SLX4IP: variants seen among roughly 807,000 people sequenced by gnomAD.
The protein encoded by SLX4IP is protein SLX4IP.
A neutral mutation model predicts 32.9 loss-of-function variants in SLX4IP; 34 were observed. The observed-to-expected ratio is 1.03, with a 90% confidence interval of 0.79 to 1.38. The LOEUF (loss-of-function observed/expected upper bound fraction) is 1.38, where lower values mean the gene tolerates loss of function less well. SLX4IP is among the 40% of genes most tolerant of loss of function. The pLI is 0.00. For synonymous variants in SLX4IP, 172 were observed against 171.7 expected (o/e 1.00, Z -0.01); for missense variants, 444 against 479.0 (o/e 0.93, Z 0.68).
At position 10,623,428 on chromosome 20, in the gene SLX4IP, T is replaced by G. The variant is rs770309783; in HGVS notation, c.*49T>G. The G allele has an allele frequency of 5.8e-6, 9 of 1,545,496 alleles. No homozygotes were observed. In the South Asian group the frequency reaches 1.1e-4, roughly 19 times the overall value. On this transcript the variant is annotated 3_prime_UTR_variant, in exon 8 of 8. Transcript: ENST00000334534. ...GAGTTGAGGACATAGTGGCCAAACC[T>G]GTGACAAGAGAGCTGCGAATATAGA...
chr20:10,572,285 G>T, intron 4 of SLX4IP, among the ~76,000 whole-genome samples: 1 of 152,194 alleles, frequency 6.6e-6, no homozygotes, highest in Non-Finnish European at 1.5e-5. Context: ...TGTCCTCATT[G>T]CTTTGGTATC....
intron 2 of SLX4IP, among the ~76,000 whole-genome samples, chr20:10,486,417 G>C (rs680845): frequency 0.39 from 59,345 of 151,848 alleles, 11,809 homozygotes; most frequent in Non-Finnish European, 0.43. Context: ...GGAGCTCTTT[G>C]TACCTGAAGA....
At chr20:10,589,848 G>A (rs1030648414) in intron 4 of SLX4IP, among the ~76,000 whole-genome samples, 6 of 151,518 alleles carry the variant, frequency 4.0e-5, no homozygotes, top group African/African-American at 9.7e-5. Flanking sequence ...CTGGGTGGTC[G>A]GATTGTTGAA....
chr20:10,464,042 C>T (rs898481564), intron 2 of SLX4IP, among the ~76,000 whole-genome samples: 2 of 152,142 alleles, frequency 1.3e-5, no homozygotes, highest in African/African-American at 4.8e-5. Flanking sequence ...AATAATAAGA[C>T]ATTCGTAGGA....
intron 4 of SLX4IP, among the ~76,000 whole-genome samples, chr20:10,589,939 AT>A (rs1311684393): frequency 6.6e-6 from 1 of 151,854 alleles, no homozygotes; most frequent in Non-Finnish European, 1.5e-5. Flanking sequence ...TAGGAAAAAA[AT>A]TTTTTTTACT....
chr20:10,497,052 T>C (rs2065673938), intron 2 of SLX4IP, among the ~76,000 whole-genome samples: 1 of 152,176 alleles, frequency 6.6e-6, no homozygotes, highest in Admixed American at 6.5e-5. Flanking sequence ...GTGTGTTTCT[T>C]TTCTTTTTTG....
At position 10,509,317 on chromosome 20, in the gene SLX4IP, G is replaced by A. The variant is rs8118800; in HGVS notation, c.28-46914G>A. On this transcript the variant is annotated intron_variant, in intron 2 of 7. Transcript: ENST00000334534. ...TCTCATTCCAGCTTATAGTTTTGCA[G>A]TTGAAGAAACTAAAGCCCTGAATGG... Among the ~76,000 whole-genome samples, 904 of 152,294 alleles carry A rather than the reference G, an allele frequency of 5.9e-3. 7 individuals are homozygous for A. Among genetic ancestry groups the A allele is most frequent in the African/African-American group, 0.021 (856 of 41,556 alleles).
intron 1 of SLX4IP, among the ~76,000 whole-genome samples, chr20:10,448,722 G>A (rs1486220119): frequency 6.6e-6 from 1 of 152,214 alleles, no homozygotes; most frequent in East Asian, 1.9e-4. Flanking sequence ...GCAGCTTTGA[G>A]TAGGAGCTAG....
chr20:10,443,878 C>T (rs546690547), intron 1 of SLX4IP, among the ~76,000 whole-genome samples: 1 of 152,246 alleles, frequency 6.6e-6, no homozygotes, highest in East Asian at 1.9e-4. Flanking sequence ...CCTCCTGCTC[C>T]AGTCATGTAG....
At chr20:10,510,496 C>T (rs909555676) in intron 2 of SLX4IP, among the ~76,000 whole-genome samples, 5 of 152,190 alleles carry the variant, frequency 3.3e-5, no homozygotes, top group African/African-American at 4.8e-5. Flanking sequence ...GCTGGTGGAG[C>T]CTGTCCAGCT....
At chr20:10,511,672 G>A (rs749301289) in intron 2 of SLX4IP, among the ~76,000 whole-genome samples, 2 of 152,182 alleles carry the variant, frequency 1.3e-5, no homozygotes, top group East Asian at 1.9e-4. Context: ...CCCCAGCTTC[G>A]CAGATGACAC....
At position 10,485,145 on chromosome 20, in the gene SLX4IP, G is replaced by T. The variant is rs144763014; in HGVS notation, c.27+26914G>T. The stretch of plus-strand genomic sequence containing the variant: ...GGGAATCAATGGGTTCTTGAGTCAA[G>T]AAATGATTACATTAAAATTTACAAG... On this transcript the variant is annotated intron_variant, in intron 2 of 7. Transcript: ENST00000334534. 6.5e-3 allele frequency among the ~76,000 whole-genome samples: 996 copies of T among 152,106 alleles called. 4 individuals are homozygous for T. The highest frequency in any genetic ancestry group is 0.023 in the African/African-American group (954 of 41,480).
intron 2 of SLX4IP, among the ~76,000 whole-genome samples, chr20:10,536,191 GT>G (rs1272326009): frequency 6.6e-6 from 1 of 152,158 alleles, no homozygotes; most frequent in Non-Finnish European, 1.5e-5. Context: ...AATGTGACAA[GT>G]TTTATAGCTA....
chr20:10,479,902 G>A (rs2065507666), intron 2 of SLX4IP, among the ~76,000 whole-genome samples: 1 of 151,836 alleles, frequency 6.6e-6, no homozygotes, highest in Non-Finnish European at 1.5e-5. Flanking sequence ...CACTCGGGAG[G>A]CTGAGGCAGG....
chr20:10,619,217 C>T (rs866324616), intron 6 of SLX4IP, among the ~76,000 whole-genome samples: 2,692 of 126,134 alleles, frequency 0.021, 24 homozygotes, highest in Admixed American at 0.071. Flanking sequence ...CTTTTTTTTT[C>T]TTTTTTTTTT....
At position 10,540,572 on chromosome 20, in the gene SLX4IP, G is replaced by A. The variant is rs183662643; in HGVS notation, c.28-15659G>A. On this transcript the variant is annotated intron_variant, in intron 2 of 7. Coordinates refer to ENST00000334534, the MANE Select transcript of SLX4IP (RefSeq NM_001009608.3). ...AGACTTGTCCCTCCCACTCTTTTCAGCCAAGCTTTCAACCTCACTCTAAAT... is the reference window on the plus strand; with the variant it reads ...AGACTTGTCCCTCCCACTCTTTTCAACCAAGCTTTCAACCTCACTCTAAAT... Among the ~76,000 whole-genome samples, 88 of 152,236 alleles carry A rather than the reference G, an allele frequency of 5.8e-4. 1 individual carries two copies. Among genetic ancestry groups the A allele is most frequent in the African/African-American group, 2.1e-3 (86 of 41,520 alleles).
chr20:10,610,605 C>T (rs1027275863), intron 6 of SLX4IP, among the ~76,000 whole-genome samples: 1 of 152,226 alleles, frequency 6.6e-6, no homozygotes, highest in Non-Finnish European at 1.5e-5. Context: ...CGTGGACTCA[C>T]ATACCAGGTG....
In SLX4IP at chr20:10,614,161, G is replaced by T. The variant is rs2067000637; in HGVS notation, c.406-7153G>T. On this transcript the variant is annotated intron_variant, in intron 6 of 7. Coordinates refer to ENST00000334534, the MANE Select transcript of SLX4IP (RefSeq NM_001009608.3). ...TCGGAGGCCTCGCGTTGCACGCCCA[G>T]CACCCAGTAAAGCCAGCCATTAATT... 9 of 946,374 alleles carry T rather than the reference G, an allele frequency of 9.5e-6. No homozygotes were observed. In the Admixed American group the frequency reaches 1.3e-4, roughly 14 times the overall value. The allele number at this position is 946,374 out of a possible 1,614,324, so 58.6% of individuals were successfully genotyped here. A position where few individuals can be genotyped will look rare whatever the true frequency, so the allele number is the denominator to read the frequency against.
chr20:10,444,374 GTTTC>G (rs997630392), intron 1 of SLX4IP, among the ~76,000 whole-genome samples: 3 of 151,966 alleles, frequency 2.0e-5, no homozygotes, highest in Non-Finnish European at 4.4e-5. Context: ...CTGGTGAGGG[GTTTC>G]TTTCTTTCTT....
Sources: gnomAD v4.1 joint callset for allele counts (sites outside exome capture counted in the v4.1 genomes callset) on GRCh38, gnomAD v4.1.1 for gene constraint, MANE v1.5 for transcripts, NCBI Gene and HGNC (gene_info 2026-07-23, HGNC 2026-07-21) for gene names.